MPO: variants seen among roughly 807,000 people sequenced by gnomAD.
MPO encodes myeloperoxidase.
MPO carries 57 observed loss-of-function variants against 69.4 expected under a neutral mutation model. The ratio of observed to expected loss-of-function variants is 0.82; its 90% CI spans 0.66 to 1.02. The LOEUF (loss-of-function observed/expected upper bound fraction) is 1.02. Ranked by LOEUF, MPO falls within the 50% of genes least tolerant of loss-of-function variation. The pLI, the probability that MPO is intolerant of heterozygous loss-of-function variation, is 0.00. For synonymous variants in MPO, 426 were observed against 417.1 expected, an observed-to-expected ratio of 1.02 and a Z score of -0.26; for missense variants, 971 against 1,014.1, an observed-to-expected ratio of 0.96 and a Z score of 0.58.
intron 10 of MPO, 69 bp from the exon 11 acceptor site, chr17:58,271,961 A>G: frequency 6.6e-7 from 1 of 1,515,302 alleles, no homozygotes; most frequent in Non-Finnish European, 9.1e-7. Context: ...GTCACTGGAG[A>G]CAGCAGGGAA....
In MPO at chr17:58,274,347, A is replaced by AGTGTGTGTGT. The variant is rs55893734; in HGVS notation, c.1366-688_1366-679dup. 6.0e-3 allele frequency: 2,008 copies of AGTGTGTGTGT among 334,606 alleles called. 23 individuals are homozygous for AGTGTGTGTGT. Among genetic ancestry groups the AGTGTGTGTGT allele is most frequent in the African/African-American group, 0.025 (1,127 of 44,522 alleles). 20.7% of individuals were successfully genotyped at this position (334,606 alleles called of 1,614,324 possible). A position where few individuals can be genotyped will look rare whatever the true frequency, so the allele number is the denominator to read the frequency against. On this transcript the variant is annotated intron_variant, in intron 8 of 11. Coordinates refer to ENST00000225275, the MANE Select transcript of MPO (RefSeq NM_000250.2). ...AAAACTCTCTCCTCCAGAATCTAGGAGTGTGTGTGTGTGTGTGTGTGTGTG... is the reference window on the plus strand; with the variant it reads ...AAAACTCTCTCCTCCAGAATCTAGGAGTGTGTGTGTGTGTGTGTGTGTGTGTGTGTGTGTG...
chr17:58,274,274 A>C, intron 8 of MPO: 1 of 459,886 alleles, frequency 2.2e-6, no homozygotes, highest in East Asian at 6.7e-5. Flanking sequence ...GTGTAAATGA[A>C]TTTCACTTGA....
Position 58,270,301 on chromosome 17 carries a change from C to T in MPO, c.*355G>A. ...AATTTGCTCAAGGTCACATAGCTAG[C>T]AAGCCACAGAGCCAGGATTGGAACC... On this transcript the variant is annotated 3_prime_UTR_variant, in exon 12 of 12. Transcript: ENST00000225275. This position sits in a 1 kb window ranked among gnomAD's most constrained non-coding sequence, Gnocchi z 4.1. 2.8e-6 allele frequency: 1 copy of T among 354,758 alleles called. No individual in the cohort carries two copies. Among genetic ancestry groups the T allele is most frequent in the Non-Finnish European group, 5.4e-6 (1 of 183,964 alleles). The allele number at this position is 354,758 out of a possible 1,614,324, so 22.0% of individuals were successfully genotyped here.
At chr17:58,272,678 G>A (rs979180081) in intron 10 of MPO, 70 bp downstream of exon 10, 6 of 1,552,284 alleles carry the variant, frequency 3.9e-6, no homozygotes, top group East Asian at 4.5e-5. Flanking sequence ...AGTGGGAAGG[G>A]GGGTGATGGG....
At position 58,275,677 on chromosome 17, in the gene MPO, G is replaced by A. The variant is rs773383879; in HGVS notation, c.1230C>T (p.Pro410=). ...LAGDTRSSEM[P]ELTSMHTLLL... ...AGAGGGTGTGCATGGAGGTGAGCTC[G>A]GGCATCTCACTGGAACGGGTGTCCC... Residue 410 remains proline, a synonymous_variant, in exon 8 of 12, where the codon CCC becomes CCT. Transcript: ENST00000225275. The surrounding 1 kb of genome is among the most constrained non-coding windows in gnomAD (Gnocchi z 4.1). The A allele has an allele frequency of 2.2e-5, 36 of 1,614,132 alleles. No individual in the cohort carries two copies. The highest frequency in any genetic ancestry group is 1.1e-4 in the East Asian group (5 of 44,876).
rs747637556 is a variant in MPO at position 58,279,086 on chromosome 17, C to A, written c.807G>T (p.Pro269=). 6.2e-7 allele frequency: 1 copy of A among 1,613,040 alleles called. No individual in the cohort carries two copies. The highest frequency in any genetic ancestry group is 1.3e-5 in the African/African-American group (1 of 74,932). The change falls in exon 6 of 12, where the codon CCG becomes CCT. Residue 269 remains proline (P), a synonymous_variant. Coordinates refer to ENST00000225275, the MANE Select transcript of MPO (RefSeq NM_000250.2). The stretch of plus-strand genomic sequence containing the variant: ...CAGTGACGAAGGAGGCCCGGGCGGC[C>A]GGCTCAGGGGTGAAGTCGAGGTCGT... ...LDHDLDFTPE[P]AARASFVTGV... is the part of the protein sequence containing the mutation.
intron 9 of MPO, 33 bp from the exon 10 acceptor site, chr17:58,272,951 A>G: frequency 6.2e-7 from 1 of 1,612,930 alleles, no homozygotes; most frequent in Non-Finnish European, 8.5e-7. Flanking sequence ...CAGGGGAAGT[A>G]TCTGGCTCAG....
Position 58,270,697 on chromosome 17 carries a change from G to T in MPO, c.2197C>A (p.Leu733Ile), listed in dbSNP as rs1482183789. The change falls in exon 12 of 12, where the codon CTT (leucine) becomes ATT (isoleucine). Residue 733 changes from leucine (L) to isoleucine (I), a missense_variant. Transcript: ENST00000225275. The surrounding 1 kb of genome is among the most constrained non-coding windows in gnomAD (Gnocchi z 4.1). ...CAGGAAGCCAGGTTCAATGCAGGAA[G>T]TGTACTGCAGTTGACAAAGTCCCGG... ...YPRDFVNCST[L>I]PALNLASWRE... is the part of the protein sequence containing the mutation. 6.2e-7 allele frequency: 1 copy of T among 1,613,978 alleles called. No homozygotes were observed. The highest frequency in any genetic ancestry group is 2.2e-5 in the East Asian group (1 of 44,878).
intron 8 of MPO, among the ~76,000 whole-genome samples, chr17:58,274,834 A>AAAT (rs1425368451): frequency 6.6e-6 from 1 of 151,690 alleles, no homozygotes; most frequent in Admixed American, 6.6e-5. Flanking sequence ...AATAAAAATA[A>AAAT]AATAATAATA....
intron 7 of MPO, among the ~76,000 whole-genome samples, chr17:58,276,318 C>T (rs1373939892): frequency 6.6e-6 from 1 of 152,220 alleles, no homozygotes; most frequent in Non-Finnish European, 1.5e-5. Context: ...CAGCCCTGCC[C>T]TTTACTACAT....
chr17:58,280,339 A>G, intron 2 of MPO, 27 bp downstream of exon 2: 1 of 1,610,758 alleles, frequency 6.2e-7, no homozygotes, highest in Non-Finnish European at 8.5e-7. Context: ...ATCCTTGCCC[A>G]GAGCTGGGCA....
chr17:58,277,962 A>T lies in MPO; in HGVS notation c.1069T>A (p.Ser357Thr). The T allele has an allele frequency of 6.2e-7, 1 of 1,613,612 alleles. No individual in the cohort carries two copies. Among genetic ancestry groups the T allele is most frequent in the Non-Finnish European group, 8.5e-7 (1 of 1,180,022 alleles). Residue 357 changes from serine to threonine, a missense_variant, in exon 7 of 12, where the codon TCC becomes ACC. Coordinates refer to ENST00000225275, the MANE Select transcript of MPO (RefSeq NM_000250.2). ...ACGGCCAGCAGCCCCAGCTGGTTGG[A>T]CATGTTGCGCAGGTTCCTGGCCAGG... is the stretch of plus-strand genomic sequence containing the variant. ...EPLARNLRNM[S>T]NQLGLLAVNQ... is the part of the protein sequence containing the mutation.
At position 58,279,205 on chromosome 17, in the gene MPO, C is replaced by T. The variant is rs147581873; in HGVS notation, c.688G>A (p.Val230Ile). Reference protein sequence around the residue: ...NGFPVALARAVSNEIVRFPTD... With the variant: ...NGFPVALARAISNEIVRFPTD... ...GGGAAGCGCACGATCTCGTTGGAGA[C>T]CGCGCGAGCCTGCGGGACACGGAGA... Residue 230 changes from valine to isoleucine, a missense_variant, in exon 6 of 12, where the codon GTC becomes ATC. Coordinates refer to ENST00000225275, the MANE Select transcript of MPO (RefSeq NM_000250.2). 6.2e-7 allele frequency: 1 copy of T among 1,602,428 alleles called. No homozygotes were observed. The highest frequency in any genetic ancestry group is 8.5e-7 in the Non-Finnish European group (1 of 1,174,832).
At position 58,273,612 on chromosome 17, in the gene MPO, A is replaced by G. The variant is rs752723615; in HGVS notation, c.1423T>C (p.Tyr475His). 2 of 1,614,160 alleles carry G rather than the reference A, an allele frequency of 1.2e-6. No homozygotes were observed. Among genetic ancestry groups the G allele is most frequent in the East Asian group, 2.2e-5 (1 of 44,882 alleles). The change falls in exon 9 of 12, where the codon TAC (tyrosine) becomes CAC (histidine). Residue 475 changes from tyrosine (Y) to histidine (H), a missense_variant. Coordinates refer to ENST00000225275, the MANE Select transcript of MPO (RefSeq NM_000250.2). ...TTGTAGGAACGGTACGTGGGCAGGT[A>G]CTTCCTCATGGCCGTTGGCCCCAGC... ...LVLGPTAMRK[Y>H]LPTYRSYNDS...
chr17:58,270,490 A>G lies in MPO; in HGVS notation c.*166T>C. The G allele has an allele frequency of 1.4e-6, 1 of 698,796 alleles. No individual in the cohort carries two copies. The highest frequency in any genetic ancestry group is 2.6e-6 in the Non-Finnish European group (1 of 387,456). 43.3% of individuals were successfully genotyped at this position (698,796 alleles called of 1,614,324 possible). On this transcript the variant is annotated 3_prime_UTR_variant, in exon 12 of 12. Coordinates refer to ENST00000225275, the MANE Select transcript of MPO (RefSeq NM_000250.2). This position sits in a 1 kb window ranked among gnomAD's most constrained non-coding sequence, Gnocchi z 4.1. ...GACAACACACACGCATGAAAAGCCAATTTATATACTTCGCACATACATGAG... is the reference window on the plus strand; with the variant it reads ...GACAACACACACGCATGAAAAGCCAGTTTATATACTTCGCACATACATGAG...
intron 8 of MPO, among the ~76,000 whole-genome samples, chr17:58,274,730 G>C (rs143219675): frequency 8.5e-4 from 130 of 152,158 alleles, no homozygotes; most frequent in Middle Eastern, 3.4e-3. Flanking sequence ...TGAGATGGGA[G>C]AATGGCTTGA....
chr17:58,275,723 T>A lies in MPO; in HGVS notation c.1205-21A>T. The A allele has an allele frequency of 6.2e-7, 1 of 1,614,082 alleles. No homozygotes were observed. The highest frequency in any genetic ancestry group is 1.1e-5 in the South Asian group (1 of 91,058). ...GTCCCCTTGGGGAGGCAAAAGCCACTGTCATTCTTAAGGCCTCCATCCCAG... is the reference window on the plus strand; with the variant it reads ...GTCCCCTTGGGGAGGCAAAAGCCACAGTCATTCTTAAGGCCTCCATCCCAG... On this transcript the variant is annotated intron_variant, in intron 7 of 11. Transcript: ENST00000225275. The surrounding 1 kb of genome is among the most constrained non-coding windows in gnomAD (Gnocchi z 4.1).
rs1415813948 is a variant in MPO, at chr17:58,280,630, G to C, written c.129C>G (p.Pro43=). 2 of 1,614,238 alleles carry C rather than the reference G, an allele frequency of 1.2e-6. No homozygotes were observed. The highest frequency in any genetic ancestry group is 1.7e-6 in the Non-Finnish European group (2 of 1,180,050). ...CTGGAGCAGCACCTTCAGAGGGCTG[G>C]GGCGTGGCCAGAATGGCCAGGAGCC... ...LAGLLAILAT[P]QPSEGAAPAV... is the part of the protein sequence containing the mutation. Residue 43 remains proline (P), a synonymous_variant, in exon 1 of 12, where the codon CCC becomes CCG. Transcript: ENST00000225275.
chr17:58,280,273 C>T lies in MPO; in HGVS notation c.248+93G>A, dbSNP rs926871914. ...GAGTCCACATGGGTCCCCATAGTCC[C>T]CCTCTCCCACCTTCAAGCTCCCTGC... On this transcript the variant is annotated intron_variant, in intron 2 of 11. Transcript: ENST00000225275. 5.2e-5 allele frequency: 69 copies of T among 1,317,538 alleles called. 2 individuals carry two copies. In the South Asian group the frequency reaches 8.1e-4, roughly 16 times the overall value. The allele number at this position is 1,317,538 out of a possible 1,614,324, so 81.6% of individuals were successfully genotyped here.
Sources: gnomAD v4.1 joint callset for allele counts (sites outside exome capture counted in the v4.1 genomes callset) on GRCh38, gnomAD v4.1.1 for gene constraint, Gnocchi (gnomAD v3.1) non-coding constraint, MANE v1.5 for transcripts, NCBI Gene and HGNC (gene_info 2026-07-23, HGNC 2026-07-21) for gene names.